Variants in CD276 observed in about 807,000 individuals in gnomAD.
CD276 encodes CD276 molecule, also known as CD276 antigen.
In CD276, 34 loss-of-function variants were observed where a neutral mutation model predicts 50.0. The observed-to-expected ratio is 0.68, with a 90% CI of 0.52 to 0.91. The LOEUF is 0.91. Among genes scored for constraint, CD276 ranks in the 40% least tolerant of loss-of-function variants. CD276 has a pLI of 0.00. For missense variants in CD276, 634 were observed against 717.5 expected (o/e 0.88, Z 1.33); for synonymous variants, 275 against 313.0 (o/e 0.88, Z 1.28).
At chr15:73,705,258 C>T (rs966557107) in intron 6 of CD276, among the ~76,000 whole-genome samples, 1 of 152,188 alleles carries the variant, frequency 6.6e-6, no homozygotes, top group East Asian at 1.9e-4. Context: ...GAGGTCAGGA[C>T]AGCAGGTTTT....
intron 1 of CD276, among the ~76,000 whole-genome samples, chr15:73,699,385 T>G (rs925065771): frequency 1.3e-5 from 2 of 152,176 alleles, no homozygotes; most frequent in Admixed American, 1.3e-4. Context: ...CTACCCCATC[T>G]TCCCTGTCAG....
intron 1 of CD276, among the ~76,000 whole-genome samples, chr15:73,685,594 C>T (rs1443272152): frequency 6.6e-6 from 1 of 151,796 alleles, no homozygotes; most frequent in Non-Finnish European, 1.5e-5. Context: ...TCATTAAAGC[C>T]CGGGGTCCTT....
chr15:73,686,997 T>G (rs1210393380), intron 1 of CD276, among the ~76,000 whole-genome samples: 1 of 151,904 alleles, frequency 6.6e-6, no homozygotes, highest in African/African-American at 2.4e-5. Flanking sequence ...GTTAGGGAAG[T>G]CCACCAGCAA....
chr15:73,699,073 G>A (rs376840107), intron 1 of CD276, among the ~76,000 whole-genome samples: 2 of 152,166 alleles, frequency 1.3e-5, no homozygotes, highest in South Asian at 2.1e-4. Flanking sequence ...ATCAGATAGC[G>A]GGTGGAGGTG....
intron 1 of CD276, among the ~76,000 whole-genome samples, chr15:73,685,755 C>G (rs55984094): frequency 0.2 from 30,165 of 152,004 alleles, 3,643 homozygotes; most frequent in African/African-American, 0.34. Context: ...GTGCAGCCTT[C>G]CTTGTAGTGT....
chr15:73,709,801 G>T, intron 8 of CD276, 112 bp downstream of exon 8: 1 of 1,092,554 alleles, frequency 9.2e-7, no homozygotes. Context: ...TGAATGAAAT[G>T]TGTTCTGTGG....
chr15:73,705,377 CT>C (rs1006421508), intron 6 of CD276, among the ~76,000 whole-genome samples: 1 of 152,210 alleles, frequency 6.6e-6, no homozygotes, highest in African/African-American at 2.4e-5. Context: ...TCAGGACTCA[CT>C]TATTCCTGTC....
chr15:73,684,356 G>A (rs1254889075), upstream of CD276: 1 of 151,644 alleles, frequency 6.6e-6, no homozygotes, highest in Non-Finnish European at 1.5e-5. Flanking sequence ...CCCGCCCCTC[G>A]GACTCCCCGG....
rs992102658 is a variant in CD276 at position 73,708,619 on chromosome 15, C to T, written c.1504+146C>T. On this transcript the variant is annotated intron_variant, in intron 7 of 9. Coordinates refer to ENST00000318443, the MANE Select transcript of CD276 (RefSeq NM_001024736.2). ...TGGGGCTGGATTTGTCTGTGTGTGA[C>T]CTTGAGTCTACGTCTTGTGTGTGTG... 1.3e-5 allele frequency: 12 copies of T among 914,238 alleles called. No homozygotes were observed. In the East Asian group the frequency reaches 2.4e-4, roughly 18 times the overall value. 56.6% of individuals were successfully genotyped at this position (914,238 alleles called of 1,614,324 possible).
chr15:73,701,125 A>G (rs1397105383), intron 2 of CD276, among the ~76,000 whole-genome samples: 1 of 151,220 alleles, frequency 6.6e-6, no homozygotes, highest in East Asian at 2.0e-4. Context: ...CGAACGCCTG[A>G]CCTCAGGTGA....
At position 73,704,851 on chromosome 15, in the gene CD276, G is replaced by A. The variant is rs1399625479; in HGVS notation, c.1369+379G>A. Among the ~76,000 whole-genome samples, 4 of 152,158 alleles carry A rather than the reference G, an allele frequency of 2.6e-5. No homozygotes were observed. Among genetic ancestry groups the A allele is most frequent in the African/African-American group, 7.2e-5 (3 of 41,436 alleles). ...AGGAAGGTATTCTGGGTCAGTGGGC[G>A]CCATCTGATTCTGAAGCCTGAGTGA... is the stretch of plus-strand genomic sequence containing the variant. On this transcript the variant is annotated intron_variant, in intron 6 of 9. Transcript: ENST00000318443. The surrounding 1 kb of genome is among the most constrained non-coding windows in gnomAD (Gnocchi z 4.1).
intron 1 of CD276, among the ~76,000 whole-genome samples, chr15:73,685,243 G>C (rs376604509): frequency 2.6e-5 from 4 of 152,014 alleles, no homozygotes; most frequent in African/African-American, 9.7e-5. Flanking sequence ...GACCCCGAGT[G>C]GGGGCACACT....
intron 4 of CD276, among the ~76,000 whole-genome samples, chr15:73,703,382 T>A (rs566036505): frequency 6.6e-6 from 1 of 152,122 alleles, no homozygotes; most frequent in African/African-American, 2.4e-5. Flanking sequence ...ATGGCAGGAT[T>A]CACCAGGGCT....
intron 1 of CD276, among the ~76,000 whole-genome samples, chr15:73,699,179 AC>A (rs1900281917): frequency 6.6e-6 from 1 of 152,066 alleles, no homozygotes; most frequent in Non-Finnish European, 1.5e-5. Flanking sequence ...GATACATTTC[AC>A]ACCTGTCAGC....
At position 73,687,407 on chromosome 15, in the gene CD276, A is replaced by G. The variant is rs1899812919; in HGVS notation, c.-55+2947A>G. Among the ~76,000 whole-genome samples, 1 of 152,204 alleles carries G rather than the reference A, an allele frequency of 6.6e-6. No homozygotes were observed. ...TGGAGCTGGGCTGTTGTCTGCTTCC[A>G]GAACTGGCTTTTTCTGCTGCTCTGG... On this transcript the variant is annotated intron_variant, in intron 1 of 9. Coordinates refer to ENST00000318443, the MANE Select transcript of CD276 (RefSeq NM_001024736.2). This position sits in a 1 kb window ranked among gnomAD's most constrained non-coding sequence, Gnocchi z 4.0.
intron 1 of CD276, among the ~76,000 whole-genome samples, chr15:73,695,604 A>T (rs187316510): frequency 6.6e-6 from 1 of 152,334 alleles, no homozygotes; most frequent in African/African-American, 2.4e-5. Flanking sequence ...GGAACTCCGT[A>T]AGTAGTGAAA....
Position 73,713,023 on chromosome 15 carries a change from C to A in CD276, c.*67C>A. 1 of 1,451,124 alleles carries A rather than the reference C, an allele frequency of 6.9e-7. No individual in the cohort carries two copies. The highest frequency in any genetic ancestry group is 9.6e-7 in the Non-Finnish European group (1 of 1,040,432). 89.9% of individuals were successfully genotyped at this position (1,451,124 alleles called of 1,614,324 possible). A position where few individuals can be genotyped will look rare whatever the true frequency, so the allele number is the denominator to read the frequency against. The stretch of plus-strand genomic sequence containing the variant: ...ACCCTCTGGCTGCAATGGGGCTGCA[C>A]TGTGAGCCCTGCCCCCAACAGATGC... On this transcript the variant is annotated 3_prime_UTR_variant, in exon 10 of 10. Coordinates refer to ENST00000318443, the MANE Select transcript of CD276 (RefSeq NM_001024736.2).
At chr15:73,690,533 AG>A in intron 1 of CD276, 1 of 359,314 alleles carries the variant, frequency 2.8e-6, no homozygotes. Context: ...GCATCTGGCG[AG>A]GGCCTTCTTG....
chr15:73,708,287 C>T (rs979687145), intron 6 of CD276, 52 bp from the exon 7 acceptor site: 30 of 1,598,632 alleles, frequency 1.9e-5, no homozygotes, highest in South Asian at 3.4e-5. Flanking sequence ...TGCTGTCCTC[C>T]GGGACATGGG....
Sources: allele counts gnomAD v4.1 joint callset (sites outside exome capture counted in the v4.1 genomes callset), GRCh38; gene constraint gnomAD v4.1.1; non-coding constraint Gnocchi (gnomAD v3.1); transcripts MANE v1.5; gene names NCBI Gene and HGNC (gene_info 2026-07-23, HGNC 2026-07-21).